The following PGAP3 variants were observed in gnomAD, a reference collection of about 807,000 sequenced individuals.
The protein encoded by PGAP3 is GPI-specific phospholipase A2-like PGAP3.
A neutral mutation model predicts 40.3 loss-of-function variants in PGAP3; 31 were observed. That is an observed-to-expected ratio of 0.77 (90% CI 0.58 to 1.04). PGAP3 has a LOEUF of 1.04. Among genes scored for constraint, PGAP3 ranks in the 50% least tolerant of loss-of-function variants. PGAP3 has a pLI of 0.00. For missense variants in PGAP3, 413 were observed against 423.0 expected (o/e 0.98, Z 0.21); for synonymous variants, 191 against 184.5 (o/e 1.04, Z -0.29).
chr17:39,686,002 C>G lies in PGAP3; in HGVS notation c.199G>C (p.Asp67His). The change falls in exon 2 of 8, where the codon GAC becomes CAC. Residue 67 changes from aspartate to histidine, a missense_variant. Transcript: ENST00000300658. Reference sequence around the variant, plus strand: ...ACCCACATACACTCATACTTACAGTCGTCCCGACAGGTCCAGCCTGAAACA... The same window carrying G: ...ACCCACATACACTCATACTTACAGTGGTCCCGACAGGTCCAGCCTGAAACA... The part of the protein sequence containing the change: ...MSLAGWTCRD[D>H]CKYECMWVTV... 1 of 1,612,884 alleles carries G rather than the reference C, an allele frequency of 6.2e-7. No individual in the cohort carries two copies.
chr17:39,682,502 T>C (rs1400316545), intron 3 of PGAP3, among the ~76,000 whole-genome samples: 1 of 152,192 alleles, frequency 6.6e-6, no homozygotes, highest in East Asian at 1.9e-4. Context: ...CTTAGAGTGA[T>C]GCCTGGCATA....
chr17:39,673,366 G>C (rs747263197), intron 6 of PGAP3, 111 bp from the exon 7 acceptor site: 46 of 1,545,974 alleles, frequency 3.0e-5, no homozygotes, highest in African/African-American at 4.1e-5. Flanking sequence ...TCTCCTCCCA[G>C]CCTCCTCTCT....
chr17:39,674,127 G>A, intron 4 of PGAP3, 73 bp from the exon 5 acceptor site: 1 of 1,490,420 alleles, frequency 6.7e-7, no homozygotes, highest in South Asian at 1.1e-5. Context: ...TGGGGGCATG[G>A]AGGAGTGGCA....
At position 39,685,954 on chromosome 17, in the gene PGAP3, C is replaced by T; in HGVS notation, c.247G>A (p.Glu83Lys). 1 of 1,613,614 alleles carries T rather than the reference C, an allele frequency of 6.2e-7. No homozygotes were observed. Among genetic ancestry groups the T allele is most frequent in the Non-Finnish European group, 8.5e-7 (1 of 1,179,628 alleles). The change falls in exon 2 of 8, where the codon GAA becomes AAA. Residue 83 changes from glutamate (E) to lysine (K), a missense_variant. Coordinates refer to ENST00000300658, the MANE Select transcript of PGAP3 (RefSeq NM_033419.5). ...TGGAACTGAGGCACTTTGTGACCTT[C>T]CTGGAGGTAGAGCCCAACGGTGACC... ...MWVTVGLYLQ[E>K]GHKVPQFHGK...
rs1178489424 is a variant in PGAP3 at position 39,673,249 on chromosome 17, A to C, written c.701T>G (p.Val234Gly). ...CCAGGCCAGCCACCACACCACGTTG[A>C]CCAGGCCTGGGTGCCAGTGGGGGCA... ...NLVANVAIGL[V>G]NVVWWLAWCL... Residue 234 changes from valine to glycine, a missense_variant, in exon 7 of 8, where the codon GTC becomes GGC. Coordinates refer to ENST00000300658, the MANE Select transcript of PGAP3 (RefSeq NM_033419.5). 6.4e-7 allele frequency: 1 copy of C among 1,558,964 alleles called. No homozygotes were observed. The highest frequency in any genetic ancestry group is 8.7e-7 in the Non-Finnish European group (1 of 1,151,532).
In PGAP3 at chr17:39,683,942, T is replaced by C. The variant is rs761845481; in HGVS notation, c.432+655A>G. ...GAGTTCGAGACCAGCCTGACCAACA[T>C]GGAGAAACCCCGTCTCTACTAAAAA... On this transcript the variant is annotated intron_variant, in intron 3 of 7. Coordinates refer to ENST00000300658, the MANE Select transcript of PGAP3 (RefSeq NM_033419.5). Among the ~76,000 whole-genome samples the C allele has an allele frequency of 6.3e-4, 95 of 151,908 alleles. 2 individuals are homozygous for C. Among genetic ancestry groups the C allele is most frequent in the Admixed American group, 5.4e-3 (82 of 15,234 alleles).
intron 3 of PGAP3, 87 bp from the exon 4 acceptor site, chr17:39,674,766 T>C: frequency 7.6e-7 from 1 of 1,320,662 alleles, no homozygotes; most frequent in Non-Finnish European, 1.1e-6. Flanking sequence ...ATTTCACCTT[T>C]GGGAAGGGGC....
In PGAP3 at chr17:39,681,164, C is replaced by A. The variant is rs902381369; in HGVS notation, c.432+3433G>T. Among the ~76,000 whole-genome samples, 20 of 152,304 alleles carry A rather than the reference C, an allele frequency of 1.3e-4. No homozygotes were observed. The South Asian group carries it at 2.9e-3, about 22-fold the overall frequency. On this transcript the variant is annotated intron_variant, in intron 3 of 7. Transcript: ENST00000300658. Reference sequence around the variant, plus strand: ...CGCAGGTGTGAGCCACTGCGCCCGGCCTCCATCACTGTCTTATAAGCAGAA... The same window carrying A: ...CGCAGGTGTGAGCCACTGCGCCCGGACTCCATCACTGTCTTATAAGCAGAA...
At chr17:39,683,477 T>C (rs2057467995) in intron 3 of PGAP3, among the ~76,000 whole-genome samples, 1 of 152,222 alleles carries the variant, frequency 6.6e-6, no homozygotes, top group East Asian at 1.9e-4. Context: ...TTACATTCAA[T>C]TGTATGATTA....
chr17:39,684,894 C>G (rs1215073114), intron 2 of PGAP3, 145 bp from the exon 3 acceptor site: 1 of 994,596 alleles, frequency 1.0e-6, no homozygotes, highest in African/African-American at 1.6e-5. Flanking sequence ...TTCAGTACCT[C>G]TTCAGACTAA....
intron 6 of PGAP3, 35 bp downstream of exon 6, chr17:39,673,479 C>T (rs2057335933): frequency 6.2e-7 from 1 of 1,613,516 alleles, no homozygotes; most frequent in Admixed American, 1.7e-5. Context: ...CAAGCTAGCA[C>T]TTCTGCAGAT....
At position 39,671,559 on chromosome 17, in the gene PGAP3, T is replaced by G. The variant is rs2057305971; in HGVS notation, c.*1244A>C. 6.6e-6 allele frequency: 1 copy of G among 152,480 alleles called. No homozygotes were observed. The highest frequency in any genetic ancestry group is 1.5e-5 in the Non-Finnish European group (1 of 68,148). The allele number at this position is 152,480 out of a possible 1,614,324, so 9.4% of individuals were successfully genotyped here. A position where few individuals can be genotyped will look rare whatever the true frequency, so the allele number is the denominator to read the frequency against. On this transcript the variant is annotated 3_prime_UTR_variant, in exon 8 of 8. Coordinates refer to ENST00000300658, the MANE Select transcript of PGAP3 (RefSeq NM_033419.5). ...CTTCCTCCTCCCCAAAATCAGGCTA[T>G]GGCAAAGGGGCTGGCAGCAGGGGAA...
chr17:39,676,048 C>T (rs940462480), intron 3 of PGAP3, among the ~76,000 whole-genome samples: 3 of 152,196 alleles, frequency 2.0e-5, no homozygotes, highest in African/African-American at 7.2e-5. Flanking sequence ...GCCACTCTGT[C>T]CCTTCCACCA....
intron 6 of PGAP3, 23 bp downstream of exon 6, chr17:39,673,491 G>A (rs2057336080): frequency 6.2e-7 from 1 of 1,613,828 alleles, no homozygotes. Context: ...TCTGCAGATG[G>A]CCCAAGCCCC....
intron 1 of PGAP3, 112 bp from the exon 2 acceptor site, chr17:39,686,131 AC>A (rs1338735844): frequency 1.2e-6 from 1 of 852,052 alleles, no homozygotes; most frequent in Non-Finnish European, 1.8e-6. Context: ...GTTGGAGAGA[AC>A]CAGGAGAAAT....
At chr17:39,684,124 CAAAAAA>C (rs58205601) in intron 3 of PGAP3, among the ~76,000 whole-genome samples, 1 of 64,396 alleles carries the variant, frequency 1.6e-5, no homozygotes, top group African/African-American at 8.6e-5. Context: ...GACTCTGTCT[CAAAAAA>C]AAAAAAAAAA....
At chr17:39,672,957 G>T in intron 7 of PGAP3, 91 bp from the exon 8 acceptor site, 1 of 1,577,272 alleles carries the variant, frequency 6.3e-7, no homozygotes, top group Non-Finnish European at 8.7e-7. Flanking sequence ...AGGTGGGAGG[G>T]GGCGGATGGG....
chr17:39,678,708 C>A (rs970143801), intron 3 of PGAP3, among the ~76,000 whole-genome samples: 2 of 152,148 alleles, frequency 1.3e-5, no homozygotes, highest in Non-Finnish European at 2.9e-5. Context: ...ACTGCCGCAC[C>A]CTCCATACAG....
intron 3 of PGAP3, among the ~76,000 whole-genome samples, chr17:39,681,004 G>A (rs1433504517): frequency 2.6e-5 from 4 of 152,066 alleles, no homozygotes; most frequent in African/African-American, 9.7e-5. Flanking sequence ...CTGGGACTAC[G>A]GGCATGTGCC....
Sources: allele counts gnomAD v4.1 joint callset (sites outside exome capture counted in the v4.1 genomes callset), GRCh38; gene constraint gnomAD v4.1.1; transcripts MANE v1.5; gene names NCBI Gene and HGNC (gene_info 2026-07-23, HGNC 2026-07-21).